Variants in CD226 observed in about 807,000 individuals in gnomAD.
CD226 encodes CD226 antigen.
In CD226, 24 loss-of-function variants were observed where a neutral mutation model predicts 34.9. The observed-to-expected ratio is 0.69, with a 90% CI of 0.50 to 0.97. CD226 has a LOEUF of 0.97. Ranked by LOEUF, CD226 falls within the 50% of genes least tolerant of loss-of-function variation. CD226 has a pLI of 0.00. For missense variants in CD226, 397 were observed against 412.7 expected, an observed-to-expected ratio of 0.96 and a Z score of 0.33; for synonymous variants, 148 against 147.4, an observed-to-expected ratio of 1.00 and a Z score of -0.03.
At chr18:69,904,359 T>C (rs985138292) in intron 2 of CD226, among the ~76,000 whole-genome samples, 1 of 152,186 alleles carries the variant, frequency 6.6e-6, no homozygotes, top group African/African-American at 2.4e-5. Flanking sequence ...GGACTTGCAA[T>C]GCAGGCCCCG....
In CD226 at chr18:69,855,493, A is replaced by G. The variant is rs1400541713; in HGVS notation, c.*8821T>C. The G allele has an allele frequency of 6.6e-6, 1 of 152,222 alleles. No homozygotes were observed. Among genetic ancestry groups the G allele is most frequent in the East Asian group, 1.9e-4 (1 of 5,200 alleles). 9.4% of individuals were successfully genotyped at this position (152,222 alleles called of 1,614,324 possible). A position where few individuals can be genotyped will look rare whatever the true frequency, so the allele number is the denominator to read the frequency against. On this transcript the variant is annotated 3_prime_UTR_variant, in exon 6 of 6. Coordinates refer to ENST00000582621, the MANE Select transcript of CD226 (RefSeq NM_001303618.2). ...AGAGTGGGAAAAACCCAGAATATTCAAGACTATGGAATAATTGAAGAAGAA... is the reference window on the plus strand; with the variant it reads ...AGAGTGGGAAAAACCCAGAATATTCGAGACTATGGAATAATTGAAGAAGAA...
chr18:69,853,375 C>CTTCTGCCCTCTGTTGTG lies in CD226; in HGVS notation c.*10922_*10938dup, dbSNP rs1415053434. On this transcript the variant is annotated 3_prime_UTR_variant, in exon 6 of 6. Coordinates refer to ENST00000582621, the MANE Select transcript of CD226 (RefSeq NM_001303618.2). ...ATAAAAGGCCTCAGGACGTATAGACCTTCTGCCCTCTGTTGTGTTCATCTT... is the reference window on the plus strand; with the variant it reads ...ATAAAAGGCCTCAGGACGTATAGACCTTCTGCCCTCTGTTGTGTTCTGCCCTCTGTTGTGTTCATCTT... The CTTCTGCCCTCTGTTGTG allele has an allele frequency of 6.6e-6, 1 of 152,124 alleles. No individual in the cohort carries two copies. The highest frequency in any genetic ancestry group is 1.5e-5 in the Non-Finnish European group (1 of 68,034). 9.4% of individuals were successfully genotyped at this position (152,124 alleles called of 1,614,324 possible).
chr18:69,891,681 T>C (rs1984913816), intron 3 of CD226, among the ~76,000 whole-genome samples: 1 of 152,192 alleles, frequency 6.6e-6, no homozygotes, highest in Non-Finnish European at 1.5e-5. Flanking sequence ...CAGTCAGGTT[T>C]CTGTACACAA....
intron 3 of CD226, among the ~76,000 whole-genome samples, chr18:69,895,479 A>T (rs1985214929): frequency 6.6e-6 from 1 of 152,196 alleles, no homozygotes; most frequent in Non-Finnish European, 1.5e-5. Context: ...GGCAGATAAG[A>T]AAATTGGAAA....
In CD226 at chr18:69,945,866, A is replaced by G. The variant is rs146712101; in HGVS notation, c.382+868T>C. Reference sequence around the variant, plus strand: ...AAGGCAAGGAGAAGTCACGTCTTACATGGATGGCAGCAGGCAAACAGAGAG... The same window carrying G: ...AAGGCAAGGAGAAGTCACGTCTTACGTGGATGGCAGCAGGCAAACAGAGAG... On this transcript the variant is annotated intron_variant, in intron 2 of 5. Coordinates refer to ENST00000582621, the MANE Select transcript of CD226 (RefSeq NM_001303618.2). Among the ~76,000 whole-genome samples the G allele has an allele frequency of 3.7e-4, 56 of 152,264 alleles. 1 individual carries two copies. In the Middle Eastern group the frequency reaches 0.01, roughly 28 times the overall value.
At chr18:69,876,894 C>T (rs1284002664) in intron 3 of CD226, among the ~76,000 whole-genome samples, 1 of 139,344 alleles carries the variant, frequency 7.2e-6, no homozygotes, top group Non-Finnish European at 1.5e-5. Context: ...GACGGAGTCT[C>T]GCTCTGTCAC....
intron 2 of CD226, among the ~76,000 whole-genome samples, chr18:69,941,593 A>G (rs1171237368): frequency 2.0e-5 from 3 of 152,072 alleles, no homozygotes; most frequent in South Asian, 2.1e-4. Flanking sequence ...GTTTTGGCCA[A>G]TTTCTCTCAT....
intron 2 of CD226, among the ~76,000 whole-genome samples, chr18:69,911,391 A>G (rs2055322627): frequency 1.3e-5 from 2 of 152,236 alleles, no homozygotes; most frequent in Admixed American, 1.3e-4. Flanking sequence ...AAAGTCTATT[A>G]GCCTAGCAAG....
intron 2 of CD226, among the ~76,000 whole-genome samples, chr18:69,934,279 T>TACACAC (rs760259895): frequency 0.15 from 11,212 of 73,062 alleles, 841 homozygotes; most frequent in African/African-American, 0.21. Flanking sequence ...ACACAGAGGA[T>TACACAC]ACACACACAC....
chr18:69,901,918 G>A (rs2055191853), intron 2 of CD226, among the ~76,000 whole-genome samples: 1 of 151,744 alleles, frequency 6.6e-6, no homozygotes, highest in Admixed American at 6.6e-5. Flanking sequence ...CAAGATTTGA[G>A]AAGCAAGAGA....
intron 2 of CD226, among the ~76,000 whole-genome samples, chr18:69,944,298 C>T (rs536522974): frequency 1.3e-5 from 2 of 152,224 alleles, no homozygotes; most frequent in South Asian, 2.1e-4. Context: ...TCAAACTAGA[C>T]GGACAGCCGG....
chr18:69,901,156 A>G (rs570296285), intron 2 of CD226, among the ~76,000 whole-genome samples: 1 of 142,708 alleles, frequency 7.0e-6, no homozygotes, highest in African/African-American at 3.0e-5. Context: ...CAAGGTGACA[A>G]CAACAACAAA....
chr18:69,868,127 G>A (rs1983263527), intron 4 of CD226, among the ~76,000 whole-genome samples: 1 of 152,124 alleles, frequency 6.6e-6, no homozygotes, highest in African/African-American at 2.4e-5. Context: ...CTAACCAGGG[G>A]AATCATAGAA....
Position 69,880,033 on chromosome 18 carries a change from G to A in CD226, c.728-6787C>T, listed in dbSNP as rs183083470. On this transcript the variant is annotated intron_variant, in intron 3 of 5. Transcript: ENST00000582621. ...GAATGTCACCACTATCTGGACAGTC[G>A]AACATGTTTTATTGGGAATATGTTT... Among the ~76,000 whole-genome samples the A allele has an allele frequency of 1.5e-3, 227 of 152,280 alleles. 3 individuals are homozygous for A. Among genetic ancestry groups the A allele is most frequent in the African/African-American group, 4.7e-3 (197 of 41,570 alleles).
chr18:69,915,932 G>C (rs953318488), intron 2 of CD226, among the ~76,000 whole-genome samples: 1 of 152,138 alleles, frequency 6.6e-6, no homozygotes, highest in Non-Finnish European at 1.5e-5. Flanking sequence ...GGATGTGCCA[G>C]AGCCAGTGGT....
chr18:69,882,740 T>G (rs1343807168), intron 3 of CD226, among the ~76,000 whole-genome samples: 1 of 152,132 alleles, frequency 6.6e-6, no homozygotes, highest in Admixed American at 6.5e-5. Flanking sequence ...CAGAAAAGAG[T>G]TCATGTAGCA....
rs1048588117 is a variant in CD226 at position 69,856,598 on chromosome 18, C to T, written c.*7716G>A. 4 of 151,902 alleles carry T rather than the reference C, an allele frequency of 2.6e-5. No homozygotes were observed. The highest frequency in any genetic ancestry group is 5.9e-5 in the Non-Finnish European group (4 of 67,956). The allele number at this position is 151,902 out of a possible 1,614,324, so 9.4% of individuals were successfully genotyped here. A position where few individuals can be genotyped will look rare whatever the true frequency, so the allele number is the denominator to read the frequency against. ...AAAATTTAAAAGAATAGAAATTATA[C>T]AAAGAATGTTTTTAAAACATGATGA... is the stretch of plus-strand genomic sequence containing the variant. On this transcript the variant is annotated 3_prime_UTR_variant, in exon 6 of 6. Transcript: ENST00000582621.
rs1451491626 is a variant in CD226, at chr18:69,857,666, T to C, written c.*6648A>G. On this transcript the variant is annotated 3_prime_UTR_variant, in exon 6 of 6. Transcript: ENST00000582621. ...GTTTTATTTTTATGTCTTACAAATATGGCTGGGCAATACAACACAAGGCTT... is the reference window on the plus strand; with the variant it reads ...GTTTTATTTTTATGTCTTACAAATACGGCTGGGCAATACAACACAAGGCTT... 1 of 152,246 alleles carries C rather than the reference T, an allele frequency of 6.6e-6. No individual in the cohort carries two copies. Among genetic ancestry groups the C allele is most frequent in the Non-Finnish European group, 1.5e-5 (1 of 68,036 alleles). 9.4% of individuals were successfully genotyped at this position (152,246 alleles called of 1,614,324 possible).
intron 2 of CD226, among the ~76,000 whole-genome samples, chr18:69,922,083 A>G (rs557532168): frequency 1.3e-5 from 2 of 152,330 alleles, no homozygotes; most frequent in East Asian, 3.9e-4. Context: ...AAGGTGTACA[A>G]AAGTCTGGAA....
Sources: gnomAD v4.1 joint callset for allele counts (sites outside exome capture counted in the v4.1 genomes callset) on GRCh38, gnomAD v4.1.1 for gene constraint, MANE v1.5 for transcripts, NCBI Gene and HGNC (gene_info 2026-07-23, HGNC 2026-07-21) for gene names.